AR: variants seen among roughly 807,000 people sequenced by gnomAD.
AR encodes the protein androgen receptor.
A neutral mutation model predicts 53.9 loss-of-function variants in AR; 8 were observed. The ratio of observed to expected loss-of-function variants is 0.15; its 90% CI spans 0.09 to 0.27. The LOEUF is 0.27. Ranked by LOEUF, AR falls within the 10% of genes least tolerant of loss-of-function variation. The probability of loss-of-function intolerance (pLI) is 1.00; values close to 1 mark genes in which losing one functional copy is unlikely to be tolerated. For missense variants in AR, 639 were observed against 742.5 expected (o/e 0.86, Z 1.62); for synonymous variants, 359 against 316.4 (o/e 1.13, Z -1.43).
chrX:67,609,253 A>G (rs1313682822), intron 1 of AR, among the ~76,000 whole-genome samples: 3 of 111,331 alleles, frequency 2.7e-5, no homozygotes, highest in Non-Finnish European at 3.8e-5. Flanking sequence ...CTTAGAATCA[A>G]TTTCAAAAGT....
intron 1 of AR, among the ~76,000 whole-genome samples, chrX:67,598,695 A>AT (rs762058171): frequency 4.5e-5 from 5 of 111,265 alleles, no homozygotes; most frequent in African/African-American, 1.6e-4. Context: ...TTCAAATATT[A>AT]TTTTATTAAT....
In AR at chrX:67,726,559, A is replaced by T. The variant is rs1442625514; in HGVS notation, c.*2718A>T. The T allele has an allele frequency of 1.1e-5, 2 of 174,484 alleles. No individual in the cohort carries two copies. Among genetic ancestry groups the T allele is most frequent in the East Asian group, 1.6e-4 (2 of 12,365 alleles). 14.4% of individuals were successfully genotyped at this position (174,484 alleles called of 1,213,427 possible). ...TGTTTTTCATTTGCAAAAGCCAAAA[A>T]TCAGTGAAACAGCAGTGTAATTAAA... On this transcript the variant is annotated 3_prime_UTR_variant, in exon 8 of 8. Transcript: ENST00000374690.
At chrX:67,689,086 G>A (rs896352044) in intron 3 of AR, among the ~76,000 whole-genome samples, 1 of 111,256 alleles carries the variant, frequency 9.0e-6, no homozygotes, top group East Asian at 2.8e-4. Context: ...CTGATGCTTG[G>A]TTTTCCCATC....
chrX:67,639,341 ATAATTC>A (rs1925622248), intron 1 of AR, among the ~76,000 whole-genome samples: 1 of 111,751 alleles, frequency 8.9e-6, no homozygotes, highest in Non-Finnish European at 1.9e-5. Flanking sequence ...TAGTTTTTTT[ATAATTC>A]TGCGAAGAAA....
At chrX:67,657,067 A>G (rs1208345253) in intron 2 of AR, among the ~76,000 whole-genome samples, 2 of 110,785 alleles carry the variant, frequency 1.8e-5, no homozygotes, top group African/African-American at 6.6e-5. Flanking sequence ...AAAACAACTA[A>G]TTGATTTAAA....
At chrX:67,607,153 C>A (rs1348244766) in intron 1 of AR, among the ~76,000 whole-genome samples, 4 of 111,251 alleles carry the variant, frequency 3.6e-5, no homozygotes, top group African/African-American at 1.3e-4. Context: ...CCTCAGCCTC[C>A]TGAGTAGCTG....
intron 1 of AR, among the ~76,000 whole-genome samples, chrX:67,590,651 A>G (rs1922787258): frequency 8.9e-6 from 1 of 112,038 alleles, no homozygotes; most frequent in Non-Finnish European, 1.9e-5. Flanking sequence ...TACAGCATGG[A>G]TAATTTAGAT....
chrX:67,720,925 G>A (rs1233933498), intron 5 of AR, among the ~76,000 whole-genome samples: 1 of 110,588 alleles, frequency 9.0e-6, no homozygotes, highest in Non-Finnish European at 1.9e-5. Flanking sequence ...TTGAAGTGCT[G>A]AAAACTGGAA....
At chrX:67,688,480 T>C (rs1049324684) in intron 3 of AR, among the ~76,000 whole-genome samples, 1 of 111,525 alleles carries the variant, frequency 9.0e-6, no homozygotes, top group African/African-American at 3.3e-5. Flanking sequence ...TCACTAGTAA[T>C]TTAGCTGGAA....
chrX:67,546,560 G>A lies in AR; in HGVS notation c.1414G>A (p.Gly472Ser), dbSNP rs2147322250. ...GGGGGGGGGGGGEAGAVAPYG... is the reference protein window; with the variant it reads ...GGGGGGGGGGSGEAGAVAPYG... ...CGGCGGCGGCGGCGGCGGCGGCGGC[G>A]GCGGCGAGGCGGGAGCTGTAGCCCC... The change falls in exon 1 of 8, where the codon GGC becomes AGC. Residue 472 changes from glycine (G) to serine (S), a missense_variant. By Grantham distance (56) the Gly-to-Ser change is moderately conservative. Around this residue, in one of 5 missense-constraint regions of AR, gnomAD observed 423 missense variants for 377.0 expected, o/e 1.12. Transcript: ENST00000374690. 1 of 981,408 alleles carries A rather than the reference G, an allele frequency of 1.0e-6. No individual in the cohort carries two copies. Among genetic ancestry groups the A allele is most frequent in the South Asian group, 4.0e-5 (1 of 25,161 alleles). 80.9% of individuals were successfully genotyped at this position (981,408 alleles called of 1,213,427 possible).
intron 1 of AR, among the ~76,000 whole-genome samples, chrX:67,577,641 A>G (rs1940214175): frequency 9.0e-6 from 1 of 111,192 alleles, no homozygotes; most frequent in African/African-American, 3.3e-5. Context: ...AACACTCATT[A>G]TTGTCATTGT....
intron 1 of AR, among the ~76,000 whole-genome samples, chrX:67,581,041 A>T (rs1922273593): frequency 8.9e-6 from 1 of 112,083 alleles, no homozygotes; most frequent in Non-Finnish European, 1.9e-5. Context: ...TAAAACAATG[A>T]CAAGGCAATC....
chrX:67,667,744 A>AT (rs985308523), intron 2 of AR, among the ~76,000 whole-genome samples: 8 of 109,300 alleles, frequency 7.3e-5, no homozygotes, highest in Admixed American at 9.8e-5. Flanking sequence ...TCTTATATTA[A>AT]TTTTTTTTTA....
At chrX:67,723,594 C>T (rs1459563764) in intron 7 of AR, 92 bp from the exon 8 acceptor site, 15 of 1,064,739 alleles carry the variant, frequency 1.4e-5, no homozygotes, top group Non-Finnish European at 1.9e-5. Flanking sequence ...AAACAAAAGG[C>T]TGAAAGACCA....
At chrX:67,708,059 C>T (rs1339666585) in intron 3 of AR, among the ~76,000 whole-genome samples, 1 of 111,911 alleles carries the variant, frequency 8.9e-6, no homozygotes, top group Non-Finnish European at 1.9e-5. Context: ...ACCTTTCTCT[C>T]TGGCTGCCCT....
At chrX:67,583,288 A>G (rs981982552) in intron 1 of AR, among the ~76,000 whole-genome samples, 1 of 112,152 alleles carries the variant, frequency 8.9e-6, no homozygotes, top group African/African-American at 3.2e-5. Context: ...ACCACATTCT[A>G]TTCACATGCT....
intron 2 of AR, among the ~76,000 whole-genome samples, chrX:67,682,878 C>A (rs752609553): frequency 9.0e-5 from 10 of 111,713 alleles, no homozygotes; most frequent in Non-Finnish European, 1.7e-4. Context: ...TTAGGACTTA[C>A]AGAAAAAAGA....
At chrX:67,699,789 C>T (rs983538919) in intron 3 of AR, among the ~76,000 whole-genome samples, 1 of 111,058 alleles carries the variant, frequency 9.0e-6, no homozygotes, top group Non-Finnish European at 1.9e-5. Flanking sequence ...TAAAGGGATT[C>T]AAACTTCCTA....
At chrX:67,546,843 C>A in intron 1 of AR, 81 bp downstream of exon 1, 1 of 1,046,216 alleles carries the variant, frequency 9.6e-7, no homozygotes. Context: ...GCGGCTCCTA[C>A]CTGCGCGAAC....
Sources: gnomAD v4.1 joint callset for allele counts (sites outside exome capture counted in the v4.1 genomes callset) on GRCh38, gnomAD v4.1.1 for gene constraint, gnomAD v4.1.1 regional missense constraint, MANE v1.5 for transcripts, NCBI Gene and HGNC (gene_info 2026-07-23, HGNC 2026-07-21) for gene names.